The following SGCZ variants were observed in gnomAD, a reference collection of about 807,000 sequenced individuals.
SGCZ encodes the protein zeta-sarcoglycan.
A neutral mutation model predicts 41.3 loss-of-function variants in SGCZ; 40 were observed. That is an observed-to-expected ratio of 0.97 (90% CI 0.75 to 1.26). SGCZ has a LOEUF of 1.26. SGCZ is among the 50% of genes most tolerant of loss of function. The probability of loss-of-function intolerance (pLI) is 0.00; values close to 1 mark genes in which losing one functional copy is unlikely to be tolerated. For missense variants in SGCZ, 552 were observed against 369.8 expected (o/e 1.49, Z -4.04); for synonymous variants, 206 against 137.5 (o/e 1.50, Z -3.49).
chr8:14,525,078 T>C lies in SGCZ; in HGVS notation c.234+29654A>G, dbSNP rs549356758. On this transcript the variant is annotated intron_variant, in intron 2 of 7. Coordinates refer to ENST00000382080, the MANE Select transcript of SGCZ (RefSeq NM_139167.4). ...ATAGATGATGATGATGATAGATAGATAGACACATAGATAGATAGACACATA... is the reference window on the plus strand; with the variant it reads ...ATAGATGATGATGATGATAGATAGACAGACACATAGATAGATAGACACATA... Among the ~76,000 whole-genome samples the C allele has an allele frequency of 5.3e-5, 8 of 151,526 alleles. No homozygotes were observed. In the East Asian group the frequency reaches 7.8e-4, roughly 15 times the overall value.
intron 1 of SGCZ, among the ~76,000 whole-genome samples, chr8:14,897,607 C>G (rs1043142454): frequency 2.0e-5 from 3 of 152,158 alleles, no homozygotes; most frequent in African/African-American, 7.2e-5. Flanking sequence ...GTGAATTAGT[C>G]ACAGCTATAG....
chr8:14,949,143 A>G (rs1042730167), intron 1 of SGCZ, among the ~76,000 whole-genome samples: 6 of 152,136 alleles, frequency 3.9e-5, no homozygotes, highest in Admixed American at 3.9e-4. Context: ...CTGAAAAGAT[A>G]ATTAAAATAG....
At chr8:14,867,502 T>A (rs938578068) in intron 1 of SGCZ, among the ~76,000 whole-genome samples, 8 of 151,840 alleles carry the variant, frequency 5.3e-5, no homozygotes. Flanking sequence ...AGTATTTCTG[T>A]CTTTAGGTCT....
intron 1 of SGCZ, among the ~76,000 whole-genome samples, chr8:14,817,052 T>C (rs1801925919): frequency 6.6e-6 from 1 of 152,198 alleles, no homozygotes; most frequent in African/African-American, 2.4e-5. Context: ...GTCCATTTCA[T>C]GATCTATAGA....
At chr8:14,409,096 G>GT (rs937621596) in intron 2 of SGCZ, among the ~76,000 whole-genome samples, 18 of 151,994 alleles carry the variant, frequency 1.2e-4, no homozygotes, top group Admixed American at 3.3e-4. Flanking sequence ...TAAGTTCTCA[G>GT]TAAGTGTAGG....
intron 1 of SGCZ, among the ~76,000 whole-genome samples, chr8:14,669,173 A>AACAC (rs1001554139): frequency 2.2e-5 from 3 of 134,356 alleles, no homozygotes; most frequent in African/African-American, 6.1e-5. Flanking sequence ...CGTCTCTACA[A>AACAC]ACACACACAC....
rs534045573 is a variant in SGCZ, at chr8:14,417,210, CT to C, written c.235-93007del. Among the ~76,000 whole-genome samples the C allele has an allele frequency of 1.2e-3, 189 of 151,972 alleles. 1 individual carries two copies. Among genetic ancestry groups the C allele is most frequent in the African/African-American group, 3.8e-3 (158 of 41,530 alleles). On this transcript the variant is annotated intron_variant, in intron 2 of 7. Coordinates refer to ENST00000382080, the MANE Select transcript of SGCZ (RefSeq NM_139167.4). Reference sequence around the variant, plus strand: ...ACATGGAAGAAGTGTGAATGCTGACCTAAGCGATCTTCAACTCAGTTCGTAG... The same window carrying C: ...ACATGGAAGAAGTGTGAATGCTGACCAAGCGATCTTCAACTCAGTTCGTAG...
At chr8:14,392,022 G>A (rs1054522367) in intron 2 of SGCZ, among the ~76,000 whole-genome samples, 7 of 152,124 alleles carry the variant, frequency 4.6e-5, no homozygotes, top group African/African-American at 1.4e-4. Context: ...ATTACAATGT[G>A]ACATGAGATT....
chr8:14,874,348 T>C (rs1002558767), intron 1 of SGCZ, among the ~76,000 whole-genome samples: 5 of 152,154 alleles, frequency 3.3e-5, no homozygotes, highest in African/African-American at 1.2e-4. Context: ...CTGTACTAAA[T>C]AGGACTTGGC....
chr8:14,738,408 A>G (rs1799109686), intron 1 of SGCZ, among the ~76,000 whole-genome samples: 1 of 152,088 alleles, frequency 6.6e-6, no homozygotes, highest in Non-Finnish European at 1.5e-5. Flanking sequence ...TACTTTTAAA[A>G]AGTAAATGAT....
chr8:14,841,307 G>T (rs1486325829), intron 1 of SGCZ, among the ~76,000 whole-genome samples: 1 of 151,902 alleles, frequency 6.6e-6, no homozygotes, highest in Non-Finnish European at 1.5e-5. Context: ...AAGCTCTCAG[G>T]CTAACCTAAC....
intron 1 of SGCZ, among the ~76,000 whole-genome samples, chr8:14,927,455 G>T (rs965545359): frequency 6.6e-6 from 1 of 151,980 alleles, no homozygotes; most frequent in Non-Finnish European, 1.5e-5. Context: ...TTCAAAAGTG[G>T]ATTTTACTTA....
chr8:14,552,800 G>C lies in SGCZ; in HGVS notation c.234+1932C>G, dbSNP rs143596825. The stretch of plus-strand genomic sequence containing the variant: ...TGTAGCCATGTAATTACGCATTTAA[G>C]TATATTTTCCTAATTAATTTAAATA... On this transcript the variant is annotated intron_variant, in intron 2 of 7. Coordinates refer to ENST00000382080, the MANE Select transcript of SGCZ (RefSeq NM_139167.4). Among the ~76,000 whole-genome samples the C allele has an allele frequency of 3.3e-5, 5 of 152,134 alleles. No individual in the cohort carries two copies. The East Asian group carries it at 9.7e-4, about 30-fold the overall frequency.
At chr8:14,967,012 A>C (rs1219992495) in intron 1 of SGCZ, among the ~76,000 whole-genome samples, 1 of 152,158 alleles carries the variant, frequency 6.6e-6, no homozygotes, top group Non-Finnish European at 1.5e-5. Flanking sequence ...ATTATTAAAA[A>C]TTTTATGTAT....
intron 1 of SGCZ, among the ~76,000 whole-genome samples, chr8:14,989,494 A>T (rs975738139): frequency 1.3e-5 from 2 of 152,124 alleles, no homozygotes; most frequent in African/African-American, 2.4e-5. Flanking sequence ...TCTAAATACT[A>T]ATAGTAAAAA....
intron 1 of SGCZ, among the ~76,000 whole-genome samples, chr8:14,637,382 C>A (rs572083340): frequency 6.6e-6 from 1 of 151,268 alleles, no homozygotes; most frequent in Non-Finnish European, 1.5e-5. Context: ...GAGTAAATTG[C>A]GTGATGCTGC....
chr8:14,246,530 GGC>G (rs1799097593), intron 3 of SGCZ, among the ~76,000 whole-genome samples: 2 of 151,576 alleles, frequency 1.3e-5, no homozygotes, highest in South Asian at 4.2e-4. Context: ...ACACCAGCAT[GGC>G]ACATGTATAC....
intron 1 of SGCZ, among the ~76,000 whole-genome samples, chr8:14,574,896 A>G (rs889582438): frequency 6.6e-6 from 1 of 152,242 alleles, no homozygotes; most frequent in East Asian, 1.9e-4. Context: ...CTGAAAAAAT[A>G]TGAAATTAAA....
chr8:14,893,395 TA>T (rs1163929674), intron 1 of SGCZ, among the ~76,000 whole-genome samples: 4 of 152,208 alleles, frequency 2.6e-5, no homozygotes, highest in African/African-American at 9.6e-5. Context: ...ACTTCTGGCC[TA>T]TAAAATGATA....
Sources: gnomAD v4.1 joint callset for allele counts (sites outside exome capture counted in the v4.1 genomes callset) on GRCh38, gnomAD v4.1.1 for gene constraint, MANE v1.5 for transcripts, NCBI Gene and HGNC (gene_info 2026-07-23, HGNC 2026-07-21) for gene names.